EYS: variants seen among roughly 807,000 people sequenced by gnomAD.
EYS encodes the protein protein eyes shut homolog.
EYS carries 250 observed loss-of-function variants against 282.1 expected under a neutral mutation model. The ratio of observed to expected loss-of-function variants is 0.89; its 90% CI spans 0.80 to 0.98. EYS has a LOEUF of 0.98. Among genes scored for constraint, EYS ranks in the 50% least tolerant of loss-of-function variants. EYS has a pLI of 0.00. For synonymous variants in EYS, 1,355 were observed against 1,282.9 expected (o/e 1.06, Z -1.20); for missense variants, 4,016 against 3,709.0 (o/e 1.08, Z -2.15).
intron 12 of EYS, among the ~76,000 whole-genome samples, chr6:65,232,105 C>T (rs1458632086): frequency 6.6e-6 from 1 of 151,928 alleles, no homozygotes; most frequent in Non-Finnish European, 1.5e-5. Flanking sequence ...ATATTATATA[C>T]AGTTTCTTCA....
intron 13 of EYS, among the ~76,000 whole-genome samples, chr6:65,018,471 T>C (rs80157343): frequency 0.019 from 2,901 of 152,300 alleles, 33 homozygotes; most frequent in Middle Eastern, 0.071. Context: ...ACCAGTTATA[T>C]TGGATTAAGG....
intron 12 of EYS, among the ~76,000 whole-genome samples, chr6:65,060,230 CTTTT>C (rs34441532): frequency 4.1e-5 from 6 of 146,356 alleles, no homozygotes; most frequent in African/African-American, 7.5e-5. Flanking sequence ...ACAAGGAAGA[CTTTT>C]TTTTTTTTTC....
At chr6:64,728,042 G>T (rs776483237) in intron 22 of EYS, among the ~76,000 whole-genome samples, 6 of 152,100 alleles carry the variant, frequency 3.9e-5, no homozygotes, top group Non-Finnish European at 7.3e-5. Flanking sequence ...CTTCTTCGGG[G>T]CGGCAGGGGT....
intron 12 of EYS, among the ~76,000 whole-genome samples, chr6:65,261,138 A>G (rs1767609548): frequency 6.6e-6 from 1 of 152,012 alleles, no homozygotes; most frequent in Non-Finnish European, 1.5e-5. Context: ...AATGTTATCT[A>G]TGTCACTCAG....
rs868706132 is a variant in EYS at position 65,277,874 on chromosome 6, A to G, written c.2023+17989T>C. Among the ~76,000 whole-genome samples the G allele has an allele frequency of 7.2e-4, 109 of 152,056 alleles. 1 individual carries two copies. The highest frequency in any genetic ancestry group is 3.6e-3 in the Admixed American group (55 of 15,258). On this transcript the variant is annotated intron_variant, in intron 12 of 42. Transcript: ENST00000503581. ...ATATGGGTGGTTAAGTTAACACGGG[A>G]TGGACTTACAATGTTTATTTGTCAA...
intron 22 of EYS, among the ~76,000 whole-genome samples, chr6:64,739,495 G>C (rs1002788954): frequency 6.6e-6 from 1 of 152,128 alleles, no homozygotes; most frequent in Non-Finnish European, 1.5e-5. Flanking sequence ...GTATCAAAAT[G>C]TTATTACCAG....
At chr6:63,987,647 C>A (rs922930244) in intron 34 of EYS, among the ~76,000 whole-genome samples, 2 of 151,634 alleles carry the variant, frequency 1.3e-5, no homozygotes, top group African/African-American at 4.8e-5. Context: ...GGTAACATCT[C>A]TGATATCCCA....
At chr6:64,329,591 AC>A (rs1582606816) in intron 29 of EYS, among the ~76,000 whole-genome samples, 1 of 152,108 alleles carries the variant, frequency 6.6e-6, no homozygotes, top group East Asian at 1.9e-4. Context: ...TAAATCAGGC[AC>A]CCGTAGTGGT....
At chr6:64,461,292 T>C (rs1335622396) in intron 26 of EYS, among the ~76,000 whole-genome samples, 5 of 152,240 alleles carry the variant, frequency 3.3e-5, no homozygotes, top group Non-Finnish European at 5.9e-5. Context: ...TCTCAATTAT[T>C]TGCATTATAT....
intron 31 of EYS, among the ~76,000 whole-genome samples, chr6:64,099,760 C>T (rs145642976): frequency 0.029 from 4,362 of 152,158 alleles, 68 homozygotes; most frequent in Non-Finnish European, 0.046. Context: ...CCTTTCCAAA[C>T]AGAAAAAGTT....
chr6:64,093,475 T>C (rs1185938092), intron 31 of EYS, among the ~76,000 whole-genome samples: 1 of 152,182 alleles, frequency 6.6e-6, no homozygotes, highest in Non-Finnish European at 1.5e-5. Context: ...TTCACATCCC[T>C]TGTCAGTTGG....
At chr6:65,465,523 A>G (rs2150412576) in intron 5 of EYS, among the ~76,000 whole-genome samples, 1 of 152,248 alleles carries the variant, frequency 6.6e-6, no homozygotes. Context: ...AAAAAGACAG[A>G]TAATAGAATG....
chr6:64,272,194 G>A (rs1454896547), intron 30 of EYS, among the ~76,000 whole-genome samples: 1 of 152,172 alleles, frequency 6.6e-6, no homozygotes, highest in Non-Finnish European at 1.5e-5. Context: ...TGGGTCTCCT[G>A]AATACAGCAT....
chr6:64,583,497 A>AT (rs146486107), intron 26 of EYS, among the ~76,000 whole-genome samples: 14,988 of 152,150 alleles, frequency 0.099, 919 homozygotes, highest in East Asian at 0.17. Flanking sequence ...TGAATATTGA[A>AT]TAAAATGATG....
At chr6:64,900,322 C>A (rs1306886514) in intron 18 of EYS, among the ~76,000 whole-genome samples, 1 of 152,098 alleles carries the variant, frequency 6.6e-6, no homozygotes, top group Non-Finnish European at 1.5e-5. Flanking sequence ...TAGGCAGGGG[C>A]AAAGACTTCA....
intron 30 of EYS, among the ~76,000 whole-genome samples, chr6:64,244,562 A>C (rs1766946061): frequency 6.6e-6 from 1 of 152,128 alleles, no homozygotes; most frequent in Admixed American, 6.5e-5. Flanking sequence ...GTTTTTATCT[A>C]TTCTGCAAAT....
intron 34 of EYS, among the ~76,000 whole-genome samples, chr6:63,992,458 C>A (rs1188877565): frequency 6.6e-6 from 1 of 151,374 alleles, no homozygotes; most frequent in Admixed American, 6.6e-5. Flanking sequence ...TTAACATGTA[C>A]ACAATATAAA....
At chr6:64,119,167 T>C (rs911090959) in intron 31 of EYS, among the ~76,000 whole-genome samples, 1 of 152,142 alleles carries the variant, frequency 6.6e-6, no homozygotes, top group African/African-American at 2.4e-5. Flanking sequence ...TCTTCAGATA[T>C]AGTAGAAATG....
chr6:64,808,998 A>G (rs1008233397), intron 22 of EYS, among the ~76,000 whole-genome samples: 6 of 152,134 alleles, frequency 3.9e-5, no homozygotes, highest in African/African-American at 1.4e-4. Flanking sequence ...CAACACATGT[A>G]GTAAAAATAG....
Sources: allele counts gnomAD v4.1 joint callset (sites outside exome capture counted in the v4.1 genomes callset), GRCh38; gene constraint gnomAD v4.1.1; transcripts MANE v1.5; gene names NCBI Gene and HGNC (gene_info 2026-07-23, HGNC 2026-07-21).